Variants in EYS observed in about 807,000 individuals in gnomAD.
EYS encodes the protein protein eyes shut homolog.
Under a neutral mutation model 282.1 loss-of-function variants are expected in EYS, and 250 were observed. The observed-to-expected ratio is 0.89, with a 90% confidence interval of 0.80 to 0.98. The LOEUF is 0.98. Among genes scored for constraint, EYS ranks in the 50% least tolerant of loss-of-function variants. The probability of loss-of-function intolerance (pLI) is 0.00; values close to 1 mark genes in which losing one functional copy is unlikely to be tolerated. For missense variants in EYS, 4,016 were observed against 3,709.0 expected, an observed-to-expected ratio of 1.08 and a Z score of -2.15; for synonymous variants, 1,355 against 1,282.9, an observed-to-expected ratio of 1.06 and a Z score of -1.20.
intron 30 of EYS, among the ~76,000 whole-genome samples, chr6:64,249,360 T>C (rs1767130326): frequency 6.6e-6 from 1 of 152,124 alleles, no homozygotes. Flanking sequence ...AGTGGAATGA[T>C]AGACAATGGA....
chr6:63,891,280 CA>C, intron 35 of EYS, among the ~76,000 whole-genome samples: 1 of 151,962 alleles, frequency 6.6e-6, no homozygotes, highest in Admixed American at 6.6e-5. Flanking sequence ...AGAGACACAG[CA>C]AAAAAAGATC....
rs1345653050 is a variant in EYS, at chr6:64,660,689, AG to A, written c.3444-34445del. Among the ~76,000 whole-genome samples, 4 of 152,336 alleles carry A rather than the reference AG, an allele frequency of 2.6e-5. No homozygotes were observed. In the East Asian group the frequency reaches 7.7e-4, roughly 29 times the overall value. On this transcript the variant is annotated intron_variant, in intron 22 of 42. Coordinates refer to ENST00000503581, the MANE Select transcript of EYS (RefSeq NM_001142800.2). ...GGAATCCAATTTACAAGGGATGTGA[AG>A]GACCTCTTCAAGGAGAACTACAAAC...
intron 13 of EYS, among the ~76,000 whole-genome samples, chr6:65,013,719 A>C (rs1368535155): frequency 2.6e-5 from 4 of 152,068 alleles, no homozygotes; most frequent in African/African-American, 9.7e-5. Context: ...GGTGGTGAAG[A>C]GATGGTGATA....
intron 12 of EYS, among the ~76,000 whole-genome samples, chr6:65,197,973 A>T (rs562392971): frequency 6.6e-6 from 1 of 152,136 alleles, no homozygotes; most frequent in Non-Finnish European, 1.5e-5. Flanking sequence ...CAACATTTTT[A>T]CTTTATAAAC....
At chr6:64,188,925 G>A (rs890370374) in intron 31 of EYS, among the ~76,000 whole-genome samples, 2 of 151,996 alleles carry the variant, frequency 1.3e-5, no homozygotes, top group African/African-American at 4.8e-5. Context: ...GACCACTACT[G>A]TCTAGAATTA....
At chr6:65,645,684 T>G (rs1055014295) in intron 1 of EYS, among the ~76,000 whole-genome samples, 1 of 150,194 alleles carries the variant, frequency 6.7e-6, no homozygotes, top group Admixed American at 6.7e-5. Flanking sequence ...GAATATAAGA[T>G]CAGAACTAAA....
chr6:64,080,665 T>C (rs1266101422), intron 32 of EYS, among the ~76,000 whole-genome samples: 1 of 152,154 alleles, frequency 6.6e-6, no homozygotes, highest in Non-Finnish European at 1.5e-5. Context: ...GCCTAGGTTT[T>C]CTTCTAGGGT....
intron 22 of EYS, among the ~76,000 whole-genome samples, chr6:64,649,439 G>A (rs6928156): frequency 0.025 from 3,774 of 151,958 alleles, 168 homozygotes; most frequent in African/African-American, 0.086. Flanking sequence ...CAGGGTTCAA[G>A]CGATTCTCCT....
chr6:64,627,973 A>G (rs1397216159), intron 22 of EYS, among the ~76,000 whole-genome samples: 2 of 152,136 alleles, frequency 1.3e-5, no homozygotes, highest in Non-Finnish European at 2.9e-5. Flanking sequence ...CCAGCTACTC[A>G]GGAGGCTGAG....
intron 5 of EYS, 130 bp downstream of exon 5, chr6:65,490,464 G>T (rs1765997781): frequency 1.5e-5 from 9 of 597,368 alleles, no homozygotes; most frequent in Non-Finnish European, 2.7e-5. Context: ...TACCATAAAA[G>T]AGTTCAGTAT....
chr6:65,465,427 C>T (rs571858132), intron 5 of EYS, among the ~76,000 whole-genome samples: 13 of 152,032 alleles, frequency 8.6e-5, no homozygotes, highest in South Asian at 4.1e-4. Flanking sequence ...CAGTGAGCCA[C>T]GATTGTGCCG....
At chr6:64,154,114 GCATAGTGATGGGTACCTC>G (rs1164381250) in intron 31 of EYS, among the ~76,000 whole-genome samples, 1 of 152,144 alleles carries the variant, frequency 6.6e-6, no homozygotes, top group African/African-American at 2.4e-5. Flanking sequence ...CAAAGTTTAT[GCATAGTGATGGGTACCTC>G]CAGGAAAGAG....
rs372875560 is a variant in EYS, at chr6:65,494,702, C to T, written c.709G>A (p.Glu237Lys). Residue 237 changes from glutamate (E) to lysine (K), a missense_variant, in exon 4 of 43, where the codon GAG becomes AAG. Transcript: ENST00000503581. Reference protein sequence around the residue: ...SCINKRENWDEQAYECVCHPP... With the variant: ...SCINKRENWDKQAYECVCHPP... ...TGACAGACACATTCATATGCTTGCTCATCCCAATTTTCTCTTTTATTAATG... is the reference window on the plus strand; with the variant it reads ...TGACAGACACATTCATATGCTTGCTTATCCCAATTTTCTCTTTTATTAATG... 3.1e-6 allele frequency: 5 copies of T among 1,595,448 alleles called. No homozygotes were observed. Among genetic ancestry groups the T allele is most frequent in the Admixed American group, 1.7e-5 (1 of 58,092 alleles).
At chr6:65,382,516 A>C (rs925786736) in intron 8 of EYS, among the ~76,000 whole-genome samples, 1 of 125,408 alleles carries the variant, frequency 8.0e-6, no homozygotes, top group Non-Finnish European at 1.7e-5. Flanking sequence ...CTTCTAGTTC[A>C]TCCTTATGCT....
At chr6:63,863,355 G>C (rs71570657) in intron 36 of EYS, among the ~76,000 whole-genome samples, 1 of 151,842 alleles carries the variant, frequency 6.6e-6, no homozygotes, top group Non-Finnish European at 1.5e-5. Context: ...TTGTAATTTA[G>C]GATTTCTCAT....
At chr6:65,134,286 A>T (rs1210965473) in intron 12 of EYS, among the ~76,000 whole-genome samples, 1 of 152,128 alleles carries the variant, frequency 6.6e-6, no homozygotes. Context: ...CCATAAAGAC[A>T]CATGCATGCA....
intron 30 of EYS, among the ~76,000 whole-genome samples, chr6:64,233,291 A>G (rs1766484599): frequency 1.3e-5 from 2 of 152,208 alleles, no homozygotes; most frequent in African/African-American, 2.4e-5. Context: ...ATCAAATTTC[A>G]TATCTGATAT....
Position 65,266,989 on chromosome 6 carries a change from T to TATATAGAGAG in EYS, c.2023+28873_2023+28874insCTCTCTATAT, listed in dbSNP as rs144200033. The stretch of plus-strand genomic sequence containing the variant: ...ACACATACCTTGACATATATATATA[T>TATATAGAGAG]AGAGAGAGAGAGAGAGAGAGATCAC... On this transcript the variant is annotated intron_variant, in intron 12 of 42. Coordinates refer to ENST00000503581, the MANE Select transcript of EYS (RefSeq NM_001142800.2). Among the ~76,000 whole-genome samples, 853 of 142,114 alleles carry TATATAGAGAG rather than the reference T, an allele frequency of 6.0e-3. 3 individuals are homozygous for TATATAGAGAG. The highest frequency in any genetic ancestry group is 8.5e-3 in the East Asian group (42 of 4,924). 93.2% of individuals were successfully genotyped at this position (142,114 alleles called of 152,430 possible).
chr6:63,795,211 T>G (rs1256250532), intron 37 of EYS, among the ~76,000 whole-genome samples: 2 of 152,194 alleles, frequency 1.3e-5, no homozygotes, highest in Non-Finnish European at 2.9e-5. Flanking sequence ...TAAGATTGGT[T>G]AGAGCAAATC....
Sources: allele counts gnomAD v4.1 joint callset (sites outside exome capture counted in the v4.1 genomes callset), GRCh38; gene constraint gnomAD v4.1.1; transcripts MANE v1.5; gene names NCBI Gene and HGNC (gene_info 2026-07-23, HGNC 2026-07-21).